DNMT1: variants seen among roughly 807,000 people sequenced by gnomAD.
DNMT1 encodes the protein DNA methyltransferase 1.
A neutral mutation model predicts 205.3 loss-of-function variants in DNMT1; 24 were observed. That is an observed-to-expected ratio of 0.12 (90% CI 0.08 to 0.16). The LOEUF (loss-of-function observed/expected upper bound fraction) is 0.16, where lower values mean the gene tolerates loss of function less well. Ranked by LOEUF, DNMT1 falls within the 10% of genes least tolerant of loss-of-function variation. DNMT1 has a pLI of 1.00. For synonymous variants in DNMT1, 817 were observed against 839.8 expected (o/e 0.97, Z 0.47); for missense variants, 1,293 against 2,177.7 (o/e 0.59, Z 8.09).
chr19:10,167,996 G>A (rs1384628835), intron 10 of DNMT1, among the ~76,000 whole-genome samples: 1 of 151,954 alleles, frequency 6.6e-6, no homozygotes, highest in Non-Finnish European at 1.5e-5. Flanking sequence ...GGTGGTACAG[G>A]CCCATACTCC....
intron 28 of DNMT1, chr19:10,144,384 T>C (rs1202938253): frequency 3.5e-6 from 1 of 283,990 alleles, no homozygotes; most frequent in Non-Finnish European, 6.9e-6. Flanking sequence ...CTCCAGCCTG[T>C]GTGACAGAGC....
intron 9 of DNMT1, among the ~76,000 whole-genome samples, 194 bp downstream of exon 9, chr19:10,172,896 C>T (rs1018893596): frequency 3.9e-5 from 6 of 152,042 alleles, no homozygotes; most frequent in Non-Finnish European, 8.8e-5. Flanking sequence ...AATCTCATAA[C>T]CCACCTTTCA....
chr19:10,166,750 C>G (rs778467673), intron 10 of DNMT1, 65 bp from the exon 11 acceptor site: 49 of 1,569,322 alleles, frequency 3.1e-5, no homozygotes, highest in Admixed American at 2.9e-4. Flanking sequence ...CCGGGGCCAA[C>G]AGCTCCTAAG....
rs1168306248 is a variant in DNMT1 at position 10,139,810 on chromosome 19, C to T, written c.3814G>A (p.Asp1272Asn). ...AGGAAGAACCGGGGCCGGTAGTAGT[C>T]GCAGTAGCTGTAGGGGGCAGGAGAG... ...SLVVSFLSYC[D>N]YYRPRFFLLE... Residue 1272 changes from aspartate to asparagine, a missense_variant, in exon 34 of 41, where the codon GAC (aspartate) becomes AAC (asparagine). Physicochemically the swap from Asp to Asn is conservative, Grantham distance 23. Transcript: ENST00000359526. The T allele has an allele frequency of 6.3e-7, 1 of 1,580,244 alleles. No homozygotes were observed. The highest frequency in any genetic ancestry group is 8.6e-7 in the Non-Finnish European group (1 of 1,163,134).
chr19:10,153,952 G>A (rs758416688), intron 22 of DNMT1, among the ~76,000 whole-genome samples: 2 of 152,124 alleles, frequency 1.3e-5, no homozygotes, highest in African/African-American at 2.4e-5. Flanking sequence ...ATCTAAGCTG[G>A]ACAAAGTGCC....
intron 3 of DNMT1, 69 bp from the exon 4 acceptor site, chr19:10,180,638 G>T: frequency 1.3e-6 from 2 of 1,534,464 alleles, no homozygotes; most frequent in Non-Finnish European, 1.8e-6. Context: ...GGAAACACAT[G>T]TGTTTCCTTC....
intron 1 of DNMT1, among the ~76,000 whole-genome samples, chr19:10,182,906 T>TC (rs2039098593): frequency 1.3e-5 from 2 of 151,502 alleles, no homozygotes; most frequent in Non-Finnish European, 2.9e-5. Flanking sequence ...CCTCAAGTGA[T>TC]CCGCCTGCCT....
chr19:10,166,592 CT>C lies in DNMT1; in HGVS notation c.891+5del. On this transcript the variant is annotated splice_donor_5th_base_variant and intron_variant, in intron 11 of 40. Transcript: ENST00000359526. ...GGGAGTTCAGAAACAAATAACCCGC[CT>C]TTACTTTCTCGTCTCCATCTTCGTC... 1 of 1,614,148 alleles carries C rather than the reference CT, an allele frequency of 6.2e-7. No individual in the cohort carries two copies. Among genetic ancestry groups the C allele is most frequent in the Non-Finnish European group, 8.5e-7 (1 of 1,180,004 alleles).
At chr19:10,157,358 TG>T (rs1008583037) in intron 17 of DNMT1, among the ~76,000 whole-genome samples, 1 of 152,174 alleles carries the variant, frequency 6.6e-6, no homozygotes, top group African/African-American at 2.4e-5. Flanking sequence ...AAAAGGGATG[TG>T]GGAAGGAAGG....
intron 6 of DNMT1, 59 bp from the exon 7 acceptor site, chr19:10,175,677 C>G: frequency 6.6e-7 from 1 of 1,518,684 alleles, no homozygotes; most frequent in African/African-American, 1.4e-5. Context: ...TCCAGCTGGC[C>G]TGAAGTGGAC....
intron 13 of DNMT1, 51 bp from the exon 14 acceptor site, chr19:10,160,469 C>T: frequency 6.3e-7 from 1 of 1,593,072 alleles, no homozygotes; most frequent in Non-Finnish European, 8.6e-7. Flanking sequence ...TGTTTTACAC[C>T]CAGATAGTGC....
In DNMT1 at chr19:10,156,174, C is replaced by T. The variant is rs2038452958; in HGVS notation, c.1399+217G>A. On this transcript the variant is annotated intron_variant, in intron 18 of 40. Coordinates refer to ENST00000359526, the MANE Select transcript of DNMT1 (RefSeq NM_001130823.3). This position sits in a 1 kb window ranked among gnomAD's most constrained non-coding sequence, Gnocchi z 4.2. ...TTCATAAGTATGTTTTTTATTTATA[C>T]ATATATATAAGTATATATGTATACT... is the stretch of plus-strand genomic sequence containing the variant. Among the ~76,000 whole-genome samples, 1 of 150,744 alleles carries T rather than the reference C, an allele frequency of 6.6e-6. No individual in the cohort carries two copies. Among genetic ancestry groups the T allele is most frequent in the African/African-American group, 2.4e-5 (1 of 41,112 alleles).
chr19:10,166,223 C>T (rs1395058045), intron 11 of DNMT1, among the ~76,000 whole-genome samples: 1 of 152,080 alleles, frequency 6.6e-6, no homozygotes, highest in Non-Finnish European at 1.5e-5. Flanking sequence ...AGACTCAGAA[C>T]GTAGGAGGCT....
chr19:10,134,284 G>C lies in DNMT1; in HGVS notation c.4797C>G (p.Pro1599=). ...HRQVGNAVPP[P]LAKAIGLEIK... ...TCTCCAAGCCAATGGCTTTGGCCAG[G>C]GGCGGTGGCACGGCATTGCCCACCT... Residue 1599 remains proline, a synonymous_variant, in exon 40 of 41, where the codon CCC becomes CCG. Transcript: ENST00000359526. 6.2e-7 allele frequency: 1 copy of C among 1,614,136 alleles called. No homozygotes were observed.
intron 4 of DNMT1, 24 bp downstream of exon 4, chr19:10,180,320 TTAAAAA>T: frequency 6.2e-7 from 1 of 1,603,894 alleles, no homozygotes; most frequent in Non-Finnish European, 8.5e-7. Context: ...TCAAAAACAA[TTAAAAA>T]TAAAAGGAAT....
Position 10,140,637 on chromosome 19 carries a change from G to A in DNMT1, c.3523+144C>T. 1 of 1,456,518 alleles carries A rather than the reference G, an allele frequency of 6.9e-7. No individual in the cohort carries two copies. Among genetic ancestry groups the A allele is most frequent in the Non-Finnish European group, 9.5e-7 (1 of 1,049,434 alleles). 90.2% of individuals were successfully genotyped at this position (1,456,518 alleles called of 1,614,324 possible). ...CCCACCTCGGCCTCCCAAAGTGCTG[G>A]GATTACAGGCGTGCGCCACCGTGCC... On this transcript the variant is annotated intron_variant, in intron 32 of 40. Transcript: ENST00000359526. The surrounding 1 kb of genome is among the most constrained non-coding windows in gnomAD (Gnocchi z 8.4).
Position 10,156,548 on chromosome 19 carries a change from G to A in DNMT1, c.1281-39C>T, listed in dbSNP as rs186919094. ...AAAGCACATGCTTACCAGCTAAGCC[G>A]TGAAGGCGGGTCTTCGTGCAGACTT... is the stretch of plus-strand genomic sequence containing the variant. On this transcript the variant is annotated intron_variant, in intron 17 of 40. Transcript: ENST00000359526. This position sits in a 1 kb window ranked among gnomAD's most constrained non-coding sequence, Gnocchi z 4.2. The A allele has an allele frequency of 5.1e-5, 76 of 1,497,386 alleles. No homozygotes were observed. The highest frequency in any genetic ancestry group is 3.4e-4 in the Admixed American group (20 of 59,656). The allele number at this position is 1,497,386 out of a possible 1,614,324, so 92.8% of individuals were successfully genotyped here. A position where few individuals can be genotyped will look rare whatever the true frequency, so the allele number is the denominator to read the frequency against.
At chr19:10,160,893 A>G (rs930557069) in intron 13 of DNMT1, among the ~76,000 whole-genome samples, 14 of 152,234 alleles carry the variant, frequency 9.2e-5, no homozygotes, top group African/African-American at 3.4e-4. Context: ...TCCATCTCAA[A>G]ATAAATGAAT....
chr19:10,135,212 C>CAAA lies in DNMT1; in HGVS notation c.4773+521_4773+523dup, dbSNP rs34374135. On this transcript the variant is annotated intron_variant, in intron 39 of 40. Transcript: ENST00000359526. ...TGGGCGAAAGAACAAAGCTCCATCT[C>CAAA]AAAAAAAAAAAAAAAAAAGAGAGAG... Among the ~76,000 whole-genome samples the CAAA allele has an allele frequency of 3.2e-4, 35 of 108,456 alleles. 1 individual carries two copies. The highest frequency in any genetic ancestry group is 1.6e-3 in the South Asian group (5 of 3,136). The allele number at this position is 108,456 out of a possible 152,430, so 71.2% of individuals were successfully genotyped here. A position where few individuals can be genotyped will look rare whatever the true frequency, so the allele number is the denominator to read the frequency against.
Sources: gnomAD v4.1 joint callset for allele counts (sites outside exome capture counted in the v4.1 genomes callset) on GRCh38, gnomAD v4.1.1 for gene constraint, Gnocchi (gnomAD v3.1) non-coding constraint, MANE v1.5 for transcripts, NCBI Gene and HGNC (gene_info 2026-07-23, HGNC 2026-07-21) for gene names.